The following FRS2 variants were observed in gnomAD, a reference collection of about 807,000 sequenced individuals.
The protein encoded by FRS2 is fibroblast growth factor receptor substrate 2.
A neutral mutation model predicts 43.9 loss-of-function variants in FRS2; 8 were observed. The observed-to-expected ratio is 0.18, with a 90% CI of 0.11 to 0.33. The LOEUF (loss-of-function observed/expected upper bound fraction) is 0.33. Ranked by LOEUF, FRS2 falls within the 10% of genes least tolerant of loss-of-function variation. FRS2 has a pLI of 1.00. For missense variants in FRS2, 534 were observed against 627.6 expected (o/e 0.85, Z 1.59); for synonymous variants, 219 against 220.3 (o/e 0.99, Z 0.05).
At chr12:69,475,604 G>C (rs1870689943) in intron 1 of FRS2, among the ~76,000 whole-genome samples, 1 of 152,194 alleles carries the variant, frequency 6.6e-6, no homozygotes, top group African/African-American at 2.4e-5. Flanking sequence ...TAATGGCTGG[G>C]ACCTCTGACT....
At chr12:69,493,349 A>C (rs534675625) in intron 1 of FRS2, among the ~76,000 whole-genome samples, 1 of 152,238 alleles carries the variant, frequency 6.6e-6, no homozygotes, top group African/African-American at 2.4e-5. Context: ...ATAAGCTCCC[A>C]TTAAAATATG....
In FRS2 at chr12:69,552,103, C is replaced by T. The variant is rs139044314; in HGVS notation, c.-121-10077C>T. 2.4e-3 allele frequency among the ~76,000 whole-genome samples: 357 copies of T among 151,644 alleles called. 1 individual carries two copies. The highest frequency in any genetic ancestry group is 8.3e-3 in the African/African-American group (343 of 41,348). ...GGCAGATCACCTGATGTCAGGAGTTCGAGACCAGCCTCAACATGGAGAAAC... is the reference window on the plus strand; with the variant it reads ...GGCAGATCACCTGATGTCAGGAGTTTGAGACCAGCCTCAACATGGAGAAAC... On this transcript the variant is annotated intron_variant, in intron 3 of 8. Transcript: ENST00000549921.
At chr12:69,507,260 T>C (rs1377781432) in intron 1 of FRS2, among the ~76,000 whole-genome samples, 1 of 152,226 alleles carries the variant, frequency 6.6e-6, no homozygotes, top group African/African-American at 2.4e-5. Context: ...TATGCCTTTC[T>C]TTCTGTCATG....
At chr12:69,555,365 T>G (rs1449791831) in intron 3 of FRS2, among the ~76,000 whole-genome samples, 1 of 152,132 alleles carries the variant, frequency 6.6e-6, no homozygotes, top group Non-Finnish European at 1.5e-5. Flanking sequence ...ATACTTAATT[T>G]TATATCATGA....
intron 1 of FRS2, among the ~76,000 whole-genome samples, chr12:69,490,288 A>G (rs1872354431): frequency 6.6e-6 from 1 of 152,210 alleles, no homozygotes; most frequent in African/African-American, 2.4e-5. Flanking sequence ...GCAACATTTA[A>G]AAATTAGCTT....
At chr12:69,522,522 A>G (rs1000398900) in intron 1 of FRS2, among the ~76,000 whole-genome samples, 2 of 151,936 alleles carry the variant, frequency 1.3e-5, no homozygotes, top group African/African-American at 2.4e-5. Context: ...CAGTCTATCT[A>G]TTAATTTTTT....
chr12:69,508,718 G>A (rs979563655), intron 1 of FRS2, among the ~76,000 whole-genome samples: 2 of 152,088 alleles, frequency 1.3e-5, no homozygotes, highest in African/African-American at 4.8e-5. Context: ...GTCAGTTTCC[G>A]TTCTTTTAGT....
At chr12:69,550,694 C>T (rs764373747) in intron 3 of FRS2, among the ~76,000 whole-genome samples, 1 of 152,164 alleles carries the variant, frequency 6.6e-6, no homozygotes, top group Non-Finnish European at 1.5e-5. Context: ...TTGTCAATTA[C>T]ATGAGGATTA....
intron 3 of FRS2, among the ~76,000 whole-genome samples, chr12:69,539,105 C>T (rs967002444): frequency 2.3e-4 from 35 of 152,146 alleles, no homozygotes; most frequent in African/African-American, 7.5e-4. Flanking sequence ...GACAGAGTCT[C>T]ACTCTGTTGC....
Position 69,575,113 on chromosome 12 carries a change from A to T in FRS2, c.*158A>T, listed in dbSNP as rs1881100927. 1 of 594,804 alleles carries T rather than the reference A, an allele frequency of 1.7e-6. No homozygotes were observed. The allele number at this position is 594,804 out of a possible 1,614,324, so 36.8% of individuals were successfully genotyped here. A position where few individuals can be genotyped will look rare whatever the true frequency, so the allele number is the denominator to read the frequency against. The stretch of plus-strand genomic sequence containing the variant: ...ATCTTTAACTAAAGGGAATTAATGT[A>T]GAGCAGGTACTCCTTAAAGAACACT... On this transcript the variant is annotated 3_prime_UTR_variant, in exon 9 of 9. Transcript: ENST00000549921.
At chr12:69,473,779 A>G (rs772661217) in intron 1 of FRS2, among the ~76,000 whole-genome samples, 6 of 152,132 alleles carry the variant, frequency 3.9e-5, no homozygotes, top group Non-Finnish European at 8.8e-5. Flanking sequence ...CAGGACCTCA[A>G]TGTCGTAGGT....
intron 3 of FRS2, among the ~76,000 whole-genome samples, chr12:69,535,538 A>T (rs1251631387): frequency 6.6e-6 from 1 of 152,126 alleles, no homozygotes; most frequent in Non-Finnish European, 1.5e-5. Flanking sequence ...TAAAATATGG[A>T]GGGAAATGAA....
rs187010579 is a variant in FRS2, at chr12:69,477,101, T to C, written c.-261+6571T>C. On this transcript the variant is annotated intron_variant, in intron 1 of 8. Transcript: ENST00000549921. ...TGCTTAAATTTTTCTCTTAAAGTAC[T>C]CCCAATGGCAGAAATGTGGATGAAT... Among the ~76,000 whole-genome samples the C allele has an allele frequency of 1.5e-3, 233 of 152,166 alleles. 1 individual carries two copies. The highest frequency in any genetic ancestry group is 0.01 in the Middle Eastern group (3 of 294).
chr12:69,546,857 G>A (rs1038958891), intron 3 of FRS2, among the ~76,000 whole-genome samples: 2 of 152,198 alleles, frequency 1.3e-5, no homozygotes, highest in Admixed American at 1.3e-4. Context: ...ACCATATGAT[G>A]CAGCAATTCA....
At chr12:69,472,268 T>C (rs1870376457) in intron 1 of FRS2, among the ~76,000 whole-genome samples, 1 of 149,976 alleles carries the variant, frequency 6.7e-6, no homozygotes, top group Admixed American at 6.6e-5. Flanking sequence ...TTTTTTTTTT[T>C]TTTTTGTAGA....
intron 3 of FRS2, chr12:69,537,824 T>C (rs1489754571): frequency 1.3e-5 from 2 of 152,600 alleles, no homozygotes; most frequent in Non-Finnish European, 2.9e-5. Flanking sequence ...ATTAGACATA[T>C]AGTCTATTTT....
At chr12:69,543,752 G>A (rs896541779) in intron 3 of FRS2, among the ~76,000 whole-genome samples, 3 of 152,148 alleles carry the variant, frequency 2.0e-5, no homozygotes, top group Admixed American at 2.0e-4. Flanking sequence ...AAGAACAGTA[G>A]TTGCAAAGGA....
chr12:69,522,222 GTGTGTGTGTGTGTGTC>G (rs1875742795), intron 1 of FRS2, among the ~76,000 whole-genome samples: 1 of 147,954 alleles, frequency 6.8e-6, no homozygotes, highest in Admixed American at 6.7e-5. Flanking sequence ...GTGTGTGTGT[GTGTGTGTGTGTGTGTC>G]TCTGCCAGGT....
chr12:69,561,224 T>C (rs1285297376), intron 3 of FRS2, among the ~76,000 whole-genome samples: 2 of 152,156 alleles, frequency 1.3e-5, no homozygotes, highest in Non-Finnish European at 2.9e-5. Context: ...CCACCCACCT[T>C]AAAGTGAGAT....
Sources: allele counts gnomAD v4.1 joint callset (sites outside exome capture counted in the v4.1 genomes callset), GRCh38; gene constraint gnomAD v4.1.1; transcripts MANE v1.5; gene names NCBI Gene and HGNC (gene_info 2026-07-23, HGNC 2026-07-21).